The following EPC1 variants were observed in gnomAD, a reference collection of about 807,000 sequenced individuals.
EPC1 encodes enhancer of polycomb homolog 1.
A neutral mutation model predicts 98.4 loss-of-function variants in EPC1; 12 were observed. The observed-to-expected ratio is 0.12, with a 90% CI of 0.08 to 0.20. EPC1 has a LOEUF of 0.20. EPC1 is among the 10% of genes least tolerant of loss of function. The pLI is 1.00. For missense variants in EPC1, 729 were observed against 990.5 expected, an observed-to-expected ratio of 0.74 and a Z score of 3.54; for synonymous variants, 357 against 363.9, an observed-to-expected ratio of 0.98 and a Z score of 0.21.
chr10:32,378,637 C>CTT, exon 1 of EPC1: 1 of 568,098 alleles, frequency 1.8e-6, no homozygotes, highest in Non-Finnish European at 3.0e-6. Flanking sequence ...AAAAGTAATA[C>CTT]TTTCTTCCAT....
Position 32,293,709 on chromosome 10 carries a change from A to G in EPC1, c.342T>C (p.Asp114=). Residue 114 remains aspartate, a synonymous_variant, in exon 3 of 14, where the codon GAT becomes GAC. Transcript: ENST00000319778. ...CTTCATCTTCAGAATCCAAATCATA[A>G]TCAGGCTGTTCAGCATCCAAACTAA... ...QPFSLDAEQP[D]YDLDSEDEVF... The G allele has an allele frequency of 6.2e-7, 1 of 1,613,300 alleles. No homozygotes were observed. Among genetic ancestry groups the G allele is most frequent in the Non-Finnish European group, 8.5e-7 (1 of 1,179,654 alleles).
intron 2 of EPC1, among the ~76,000 whole-genome samples, chr10:32,302,537 C>A (rs542685359): frequency 6.6e-6 from 1 of 151,848 alleles, no homozygotes; most frequent in East Asian, 2.0e-4. Flanking sequence ...GTAGTCCCAG[C>A]TACTCGGGAG....
At chr10:32,353,022 G>A (rs759608852) in intron 1 of EPC1, among the ~76,000 whole-genome samples, 7 of 152,100 alleles carry the variant, frequency 4.6e-5, no homozygotes, top group Non-Finnish European at 1.0e-4. Flanking sequence ...GGGCGTGGTG[G>A]CACATGCCTG....
chr10:32,345,195 A>C (rs1023364641), intron 1 of EPC1: 41 of 984,956 alleles, frequency 4.2e-5, no homozygotes, highest in Non-Finnish European at 4.5e-5. Context: ...AAGTTGATAC[A>C]AGTAAAATAA....
intron 1 of EPC1, among the ~76,000 whole-genome samples, chr10:32,359,596 T>C (rs952818125): frequency 6.6e-6 from 1 of 152,238 alleles, no homozygotes; most frequent in Non-Finnish European, 1.5e-5. Flanking sequence ...ACAAACGTCA[T>C]GCTTAATAAA....
In EPC1 at chr10:32,284,801, T is replaced by C. The variant is rs367745192; in HGVS notation, c.1641A>G (p.Arg547=). Residue 547 remains arginine, a synonymous_variant, in exon 10 of 14, where the codon AGA becomes AGG. Coordinates refer to ENST00000319778, the MANE Select transcript of EPC1 (RefSeq NM_001272004.3). ...TTCGGTTTATACTCCTATATAATTT[T>C]CTACAGGAGAGTTCATCATTGTCAC... ...HDSDNDELSC[R]KLYRSINRTG... is the part of the protein sequence containing the mutation. The C allele has an allele frequency of 1.2e-5, 19 of 1,614,096 alleles. No homozygotes were observed. The highest frequency in any genetic ancestry group is 1.7e-5 in the Admixed American group (1 of 60,008).
At position 32,284,807 on chromosome 10, in the gene EPC1, G is replaced by T; in HGVS notation, c.1635C>A (p.Ser545=). ...SLHDSDNDEL[S]CRKLYRSINR... is the part of the protein sequence containing the mutation. ...TTATACTCCTATATAATTTTCTACA[G>T]GAGAGTTCATCATTGTCACTGTCAT... The change falls in exon 10 of 14, where the codon TCC becomes TCA. Residue 545 remains serine (S), a synonymous_variant. Transcript: ENST00000319778. 1 of 1,614,174 alleles carries T rather than the reference G, an allele frequency of 6.2e-7. No homozygotes were observed. The highest frequency in any genetic ancestry group is 8.5e-7 in the Non-Finnish European group (1 of 1,180,018).
chr10:32,269,914 A>T (rs1835756188), intron 13 of EPC1, among the ~76,000 whole-genome samples: 2 of 152,352 alleles, frequency 1.3e-5, no homozygotes, highest in South Asian at 2.1e-4. Context: ...TGGCTGAGAC[A>T]GTCTACCAGT....
At chr10:32,312,012 T>C (rs1443142119) in intron 1 of EPC1, among the ~76,000 whole-genome samples, 2 of 152,322 alleles carry the variant, frequency 1.3e-5, no homozygotes, top group African/African-American at 4.8e-5. Flanking sequence ...CAGACTGCAG[T>C]TGGACTGTAG....
At chr10:32,301,085 T>G (rs1391812314) in intron 2 of EPC1, among the ~76,000 whole-genome samples, 56 of 148,802 alleles carry the variant, frequency 3.8e-4, no homozygotes, top group African/African-American at 1.3e-3. Flanking sequence ...TATCTATCTA[T>G]CTATCTGCCT....
chr10:32,365,656 T>C (rs1201009409), intron 1 of EPC1, among the ~76,000 whole-genome samples: 1 of 141,152 alleles, frequency 7.1e-6, no homozygotes, highest in Non-Finnish European at 1.5e-5. Flanking sequence ...TCTACTAAAA[T>C]TCAAAAAAGA....
chr10:32,339,595 A>G (rs2479345), intron 1 of EPC1, among the ~76,000 whole-genome samples: 98,801 of 152,054 alleles, frequency 0.65, 32,623 homozygotes, highest in Middle Eastern at 0.78. Flanking sequence ...GTTTTTCACA[A>G]TCATATCATA....
chr10:32,346,153 C>A (rs1484127990), intron 1 of EPC1, among the ~76,000 whole-genome samples: 4 of 152,176 alleles, frequency 2.6e-5, no homozygotes, highest in Non-Finnish European at 4.4e-5. Context: ...CATTTCCTTG[C>A]AGAGGGGGAG....
chr10:32,378,097 T>A (rs1000697776), intron 1 of EPC1, among the ~76,000 whole-genome samples: 9 of 151,322 alleles, frequency 5.9e-5, no homozygotes, highest in African/African-American at 2.2e-4. Context: ...TAGGTCCATT[T>A]AAAAAAAAAC....
At chr10:32,282,604 T>C (rs1177310441) in intron 10 of EPC1, 1 of 152,238 alleles carries the variant, frequency 6.6e-6, no homozygotes, top group East Asian at 1.9e-4. Flanking sequence ...ATGATTTCTT[T>C]TCAGCTAAGC....
At chr10:32,351,595 T>A (rs906116432), upstream of EPC1, among the ~76,000 whole-genome samples, 1 of 148,136 alleles carries the variant, frequency 6.8e-6, no homozygotes, top group African/African-American at 2.5e-5. Flanking sequence ...GAGGTGGAGG[T>A]TGCAGTGAGC....
chr10:32,287,296 A>G (rs528300158), intron 6 of EPC1, 22 bp from the exon 7 acceptor site: 1 of 1,611,708 alleles, frequency 6.2e-7, no homozygotes, highest in East Asian at 2.2e-5. Context: ...ACATGAATTA[A>G]TTATACACCA....
chr10:32,301,050 C>G (rs140085067), intron 2 of EPC1, among the ~76,000 whole-genome samples: 15 of 143,952 alleles, frequency 1.0e-4, no homozygotes, highest in African/African-American at 4.1e-4. Context: ...ATCTATCTAT[C>G]TATCTATCTA....
intron 1 of EPC1, among the ~76,000 whole-genome samples, chr10:32,372,090 C>T (rs780689739): frequency 4.6e-5 from 7 of 152,168 alleles, no homozygotes; most frequent in Non-Finnish European, 1.0e-4. Flanking sequence ...TCATGGCAGA[C>T]AGCCTCTGAT....
Sources: allele counts gnomAD v4.1 joint callset (sites outside exome capture counted in the v4.1 genomes callset), GRCh38; gene constraint gnomAD v4.1.1; transcripts MANE v1.5; gene names NCBI Gene and HGNC (gene_info 2026-07-23, HGNC 2026-07-21).